Variants in NUTF2 observed in about 807,000 individuals in gnomAD.
NUTF2 encodes placental protein 15.
A neutral mutation model predicts 18.5 loss-of-function variants in NUTF2; 3 were observed. The ratio of observed to expected loss-of-function variants is 0.16; its 90% CI spans 0.07 to 0.42. The LOEUF is 0.42. Ranked by LOEUF, NUTF2 falls within the 10% of genes least tolerant of loss-of-function variation. The pLI is 0.99. For synonymous variants in NUTF2, 51 were observed against 57.9 expected (o/e 0.88, Z 0.54); for missense variants, 44 against 160.7 (o/e 0.27, Z 3.93).
At chr16:67,847,825 G>A (rs1284791437) in intron 1 of NUTF2, 1 of 152,364 alleles carries the variant, frequency 6.6e-6, no homozygotes, top group Non-Finnish European at 1.5e-5. Context: ...GGGATGTTAA[G>A]GTGGGACTTA....
chr16:67,856,016 C>T (rs960214742), intron 1 of NUTF2: 16 of 1,053,140 alleles, frequency 1.5e-5, no homozygotes, highest in East Asian at 2.4e-5. Context: ...CACGTTGAAG[C>T]GTACTGTCTT....
At chr16:67,848,175 T>C (rs1598155063) in intron 1 of NUTF2, among the ~76,000 whole-genome samples, 1 of 152,206 alleles carries the variant, frequency 6.6e-6, no homozygotes, top group Non-Finnish European at 1.5e-5. Flanking sequence ...GTAAAGGCGC[T>C]TCTGATTGAG....
intron 2 of NUTF2, 75 bp downstream of exon 2, chr16:67,865,304 CA>C: frequency 9.7e-7 from 1 of 1,027,352 alleles, no homozygotes; most frequent in East Asian, 2.5e-5. Context: ...GTCCAGTTCA[CA>C]AGTTCTGGCA....
chr16:67,857,330 C>G (rs1362191784), intron 1 of NUTF2, among the ~76,000 whole-genome samples: 6 of 152,146 alleles, frequency 3.9e-5, no homozygotes, highest in Non-Finnish European at 8.8e-5. Flanking sequence ...CCCAGTGGCT[C>G]TAGAACCCTC....
chr16:67,869,152 T>G (rs1019804288), intron 4 of NUTF2, among the ~76,000 whole-genome samples: 1 of 151,098 alleles, frequency 6.6e-6, no homozygotes, highest in Non-Finnish European at 1.5e-5. Flanking sequence ...TGGCACAATC[T>G]CAGCTCACTA....
chr16:67,847,741 C>T (rs1348169615), intron 1 of NUTF2: 1 of 152,544 alleles, frequency 6.6e-6, no homozygotes, highest in Admixed American at 6.5e-5. Flanking sequence ...CCAGCCCACG[C>T]CCTTCTCTAT....
intron 1 of NUTF2, among the ~76,000 whole-genome samples, chr16:67,850,706 G>A (rs1179164517): frequency 6.6e-6 from 1 of 152,158 alleles, no homozygotes. Flanking sequence ...TGCGGTGGTT[G>A]GGATATTGCC....
At chr16:67,866,755 C>T (rs565006126) in intron 2 of NUTF2, among the ~76,000 whole-genome samples, 1 of 152,210 alleles carries the variant, frequency 6.6e-6, no homozygotes, top group Admixed American at 6.5e-5. Flanking sequence ...GCATAAGCCA[C>T]CGCGCCCGGC....
At chr16:67,848,640 G>A (rs2151292687) in intron 1 of NUTF2, among the ~76,000 whole-genome samples, 1 of 151,466 alleles carries the variant, frequency 6.6e-6, no homozygotes, top group South Asian at 2.1e-4. Context: ...TACTTGGGAG[G>A]CTGAGGCAGG....
intron 1 of NUTF2, among the ~76,000 whole-genome samples, chr16:67,859,092 C>A (rs1014287461): frequency 2.0e-5 from 3 of 152,000 alleles, no homozygotes; most frequent in Non-Finnish European, 4.4e-5. Flanking sequence ...GCCTTGGACT[C>A]CCAAAGTGTC....
chr16:67,850,361 C>G (rs1038518141), intron 1 of NUTF2, among the ~76,000 whole-genome samples: 1 of 151,940 alleles, frequency 6.6e-6, no homozygotes, highest in Non-Finnish European at 1.5e-5. Context: ...CCCGCCACCA[C>G]GCCCGGCTAA....
At chr16:67,852,426 G>A (rs904252254) in intron 1 of NUTF2, among the ~76,000 whole-genome samples, 2 of 150,082 alleles carry the variant, frequency 1.3e-5, no homozygotes, top group Non-Finnish European at 3.0e-5. Flanking sequence ...TCGCAGTCTC[G>A]GCTCACTGCA....
At chr16:67,863,861 G>A (rs545367836) in intron 1 of NUTF2, among the ~76,000 whole-genome samples, 10 of 152,328 alleles carry the variant, frequency 6.6e-5, no homozygotes, top group Non-Finnish European at 1.0e-4. Flanking sequence ...AAGCCCAAGC[G>A]GCTCTCCCAT....
intron 1 of NUTF2, among the ~76,000 whole-genome samples, chr16:67,849,760 A>T (rs909901065): frequency 2.6e-5 from 4 of 151,130 alleles, no homozygotes; most frequent in African/African-American, 9.7e-5. Flanking sequence ...CCGGGTTCAC[A>T]GCATTCTCCT....
intron 1 of NUTF2, chr16:67,855,910 G>A: frequency 4.0e-6 from 2 of 495,456 alleles, no homozygotes; most frequent in South Asian, 3.1e-5. Flanking sequence ...TGGGGGAAAT[G>A]AGAATAACTT....
At chr16:67,864,009 C>T (rs946659839) in intron 1 of NUTF2, among the ~76,000 whole-genome samples, 3 of 152,278 alleles carry the variant, frequency 2.0e-5, no homozygotes, top group Admixed American at 6.5e-5. Context: ...AGGGATGACA[C>T]GTTTCCCTTC....
Position 67,870,850 on chromosome 16 carries a change from C to T in NUTF2, c.321C>T (p.Asn107=). The change falls in exon 5 of 5, where the codon AAC becomes AAT. Residue 107 remains asparagine, a synonymous_variant. Coordinates refer to ENST00000219169, the MANE Select transcript of NUTF2 (RefSeq NM_005796.3). ...MGFHQMFLLK[N]INDAWVCTND... is the part of the protein sequence containing the mutation. ...TCCACCAGATGTTCCTATTAAAGAA[C>T]ATCAACGATGCTTGGGTTTGCACCA... 6.2e-7 allele frequency: 1 copy of T among 1,613,988 alleles called. No individual in the cohort carries two copies. Among genetic ancestry groups the T allele is most frequent in the Non-Finnish European group, 8.5e-7 (1 of 1,179,850 alleles).
At chr16:67,848,750 AG>A (rs1367091075) in intron 1 of NUTF2, among the ~76,000 whole-genome samples, 2 of 151,398 alleles carry the variant, frequency 1.3e-5, no homozygotes, top group Non-Finnish European at 1.5e-5. Context: ...TCAAAAAAAA[AG>A]AAAAAGAAAA....
In NUTF2 at chr16:67,865,077, C is replaced by T. The variant is rs530879741; in HGVS notation, c.-29-25C>T. 1.3e-5 allele frequency: 16 copies of T among 1,226,652 alleles called. No homozygotes were observed. The East Asian group carries it at 3.6e-4, about 27-fold the overall frequency. The allele number at this position is 1,226,652 out of a possible 1,614,324, so 76.0% of individuals were successfully genotyped here. A position where few individuals can be genotyped will look rare whatever the true frequency, so the allele number is the denominator to read the frequency against. On this transcript the variant is annotated intron_variant, in intron 1 of 4. Coordinates refer to ENST00000219169, the MANE Select transcript of NUTF2 (RefSeq NM_005796.3). ...CCTACTCTCATGGTACCAATGCTTC[C>T]CTCCTGGTCTCATTGGTCTTGCAGG...
Sources: gnomAD v4.1 joint callset for allele counts (sites outside exome capture counted in the v4.1 genomes callset) on GRCh38, gnomAD v4.1.1 for gene constraint, MANE v1.5 for transcripts, NCBI Gene and HGNC (gene_info 2026-07-23, HGNC 2026-07-21) for gene names.